CCDC122: variants seen among roughly 807,000 people sequenced by gnomAD.
CCDC122 encodes coiled-coil domain containing 122.
Under a neutral mutation model 37.0 loss-of-function variants are expected in CCDC122, and 38 were observed. That is an observed-to-expected ratio of 1.03 (90% CI 0.79 to 1.35). CCDC122 has a LOEUF of 1.35. Ranked by LOEUF, CCDC122 falls within the 40% of genes most tolerant of loss-of-function variation. The pLI is 0.00. For synonymous variants in CCDC122, 83 were observed against 95.6 expected (o/e 0.87, Z 0.77); for missense variants, 305 against 310.0 (o/e 0.98, Z 0.12).
chr13:43,841,634 T>C (rs573258614), intron 6 of CCDC122, among the ~76,000 whole-genome samples: 1 of 152,364 alleles, frequency 6.6e-6, no homozygotes, highest in South Asian at 2.1e-4. Context: ...TCTTTACGCA[T>C]CCTGGATACA....
At chr13:43,877,341 T>C (rs58267485) in intron 1 of CCDC122, among the ~76,000 whole-genome samples, 7,170 of 152,282 alleles carry the variant, frequency 0.047, 343 homozygotes, top group African/African-American at 0.12. Flanking sequence ...TAGGTTAGAA[T>C]ACAGTTTAAG....
At chr13:43,848,953 C>A in intron 6 of CCDC122, 1 of 964,582 alleles carries the variant, frequency 1.0e-6, no homozygotes, top group Non-Finnish European at 1.2e-6. Context: ...TCTCTAAAAA[C>A]TGGTTGTTTT....
intron 6 of CCDC122, among the ~76,000 whole-genome samples, chr13:43,837,851 C>G (rs1408270566): frequency 6.6e-6 from 1 of 152,228 alleles, no homozygotes; most frequent in Middle Eastern, 3.4e-3. Context: ...CTGGGGGACT[C>G]TACTTTGAGT....
intron 1 of CCDC122, chr13:43,879,427 TC>T (rs1290053130): frequency 5.2e-5 from 8 of 152,870 alleles, no homozygotes; most frequent in African/African-American, 1.7e-4. Context: ...CCCGCCTGGC[TC>T]CCGGGCGAGA....
In CCDC122 at chr13:43,849,842, G is replaced by T. The variant is rs187878002; in HGVS notation, c.672+8939C>A. Reference sequence around the variant, plus strand: ...ACTCTCAGGGAAAGCTAACTAAGGAGCCAGGAGTTTTAACTGTGGAGCCAG... The same window carrying T: ...ACTCTCAGGGAAAGCTAACTAAGGATCCAGGAGTTTTAACTGTGGAGCCAG... On this transcript the variant is annotated intron_variant, in intron 6 of 6. Transcript: ENST00000444614. Among the ~76,000 whole-genome samples the T allele has an allele frequency of 3.3e-3, 501 of 152,296 alleles. 2 individuals carry two copies. Among genetic ancestry groups the T allele is most frequent in the Non-Finnish European group, 5.7e-3 (386 of 68,034 alleles).
At chr13:43,871,803 T>C (rs1161628206) in intron 2 of CCDC122, among the ~76,000 whole-genome samples, 2 of 152,062 alleles carry the variant, frequency 1.3e-5, no homozygotes, top group Non-Finnish European at 2.9e-5. Context: ...ACTGCCACCA[T>C]ATTTCCTTTT....
At chr13:43,857,432 T>G (rs1270581533) in intron 6 of CCDC122, among the ~76,000 whole-genome samples, 2 of 142,962 alleles carry the variant, frequency 1.4e-5, no homozygotes, top group Non-Finnish European at 3.0e-5. Context: ...TATCCTATGT[T>G]GTATTCAATA....
At chr13:43,853,556 C>T (rs1004657692) in intron 6 of CCDC122, among the ~76,000 whole-genome samples, 7 of 152,008 alleles carry the variant, frequency 4.6e-5, no homozygotes, top group African/African-American at 1.7e-4. Context: ...ATTCTAACAC[C>T]CCACTAACAA....
chr13:43,865,060 T>C (rs1954231551), intron 4 of CCDC122, among the ~76,000 whole-genome samples: 1 of 152,072 alleles, frequency 6.6e-6, no homozygotes, highest in Admixed American at 6.6e-5. Flanking sequence ...GCATAGAAGC[T>C]CCTTGCAGGC....
chr13:43,870,481 C>T (rs1954410676), intron 2 of CCDC122, among the ~76,000 whole-genome samples: 1 of 152,096 alleles, frequency 6.6e-6, no homozygotes, highest in African/African-American at 2.4e-5. Context: ...TTGAAAAATG[C>T]ATGCCCTCTA....
chr13:43,870,613 T>C (rs775982717), intron 2 of CCDC122, among the ~76,000 whole-genome samples: 14 of 152,134 alleles, frequency 9.2e-5, no homozygotes, highest in Admixed American at 2.6e-4. Context: ...AAAAAAATTA[T>C]ATAGTGTTTA....
At chr13:43,863,700 T>C (rs996753227) in intron 4 of CCDC122, among the ~76,000 whole-genome samples, 2 of 142,690 alleles carry the variant, frequency 1.4e-5, no homozygotes, top group African/African-American at 2.6e-5. Context: ...TGTGTGTGTG[T>C]GTGCCTGTGT....
At chr13:43,837,648 T>C (rs970998564) in intron 6 of CCDC122, among the ~76,000 whole-genome samples, 46 of 108,934 alleles carry the variant, frequency 4.2e-4, no homozygotes, top group Non-Finnish European at 9.7e-4. Flanking sequence ...AATTAAATTC[T>C]TATAACACCT....
At chr13:43,862,328 T>A (rs935948852) in intron 4 of CCDC122, among the ~76,000 whole-genome samples, 1 of 152,170 alleles carries the variant, frequency 6.6e-6, no homozygotes, top group Non-Finnish European at 1.5e-5. Flanking sequence ...AATTATTGTT[T>A]GGTCTACTTT....
At position 43,841,841 on chromosome 13, in the gene CCDC122, G is replaced by A. The variant is rs537592899; in HGVS notation, c.673-4412C>T. 2.0e-5 allele frequency among the ~76,000 whole-genome samples: 3 copies of A among 152,238 alleles called. No homozygotes were observed. The East Asian group carries it at 5.8e-4, about 29-fold the overall frequency. ...TCCTCCCACCTCAGCCTCCTGAGTA[G>A]CTGGGACCACAGGTGTGCGCCATCA... On this transcript the variant is annotated intron_variant, in intron 6 of 6. Transcript: ENST00000444614.
intron 4 of CCDC122, among the ~76,000 whole-genome samples, chr13:43,867,488 T>G (rs981042279): frequency 6.6e-6 from 1 of 152,114 alleles, no homozygotes; most frequent in South Asian, 2.1e-4. Flanking sequence ...CATTTAAAAC[T>G]CAACTGAAAC....
At chr13:43,834,960 G>A (rs1309789218), downstream of CCDC122, among the ~76,000 whole-genome samples, 1 of 152,248 alleles carries the variant, frequency 6.6e-6, no homozygotes, top group African/African-American at 2.4e-5. Context: ...CCATTACTGG[G>A]TATATACCCA....
chr13:43,859,808 C>G lies in CCDC122; in HGVS notation c.419G>C (p.Gly140Ala), dbSNP rs1471618968. Residue 140 changes from glycine to alanine, a missense_variant, in exon 5 of 7, where the codon GGG becomes GCG. Physicochemically the swap from Gly to Ala is moderately conservative, Grantham distance 60 (BLOSUM62 0). Transcript: ENST00000444614. ...AKIKAHKNSLGEVESKWSFMT... is the reference protein window; with the variant it reads ...AKIKAHKNSLAEVESKWSFMT... Reference sequence around the variant, plus strand: ...AAATGACCATTTGCTCTCTACTTCCCCCAAACTATTTTTATGTGCTTTTAT... The same window carrying G: ...AAATGACCATTTGCTCTCTACTTCCGCCAAACTATTTTTATGTGCTTTTAT... The G allele has an allele frequency of 1.9e-6, 3 of 1,608,792 alleles. No homozygotes were observed. Among genetic ancestry groups the G allele is most frequent in the Non-Finnish European group, 2.5e-6 (3 of 1,178,116 alleles).
downstream of CCDC122, among the ~76,000 whole-genome samples, chr13:43,833,911 G>C (rs1372718407): frequency 6.6e-6 from 1 of 152,078 alleles, no homozygotes; most frequent in African/African-American, 2.4e-5. Flanking sequence ...CTAAGCAAAA[G>C]AGCTCATATT....
Sources: gnomAD v4.1 joint callset for allele counts (sites outside exome capture counted in the v4.1 genomes callset) on GRCh38, gnomAD v4.1.1 for gene constraint, MANE v1.5 for transcripts, NCBI Gene and HGNC (gene_info 2026-07-23, HGNC 2026-07-21) for gene names.